MED13L: variants seen among roughly 807,000 people sequenced by gnomAD.
The protein encoded by MED13L is mediator complex subunit 13L, also known as mediator of RNA polymerase II transcription subunit 13-like.
A neutral mutation model predicts 220.9 loss-of-function variants in MED13L; 7 were observed. That is an observed-to-expected ratio of 0.03 (90% CI 0.02 to 0.06). The LOEUF is 0.06. MED13L is among the 10% of genes least tolerant of loss of function. The pLI is 1.00. For synonymous variants in MED13L, 1,011 were observed against 1,015.2 expected (o/e 1.00, Z 0.08); for missense variants, 1,965 against 2,760.5 (o/e 0.71, Z 6.46).
At chr12:116,244,903 G>C (rs1324773123) in intron 1 of MED13L, among the ~76,000 whole-genome samples, 1 of 152,136 alleles carries the variant, frequency 6.6e-6, no homozygotes, top group Admixed American at 6.5e-5. Flanking sequence ...AGTGAGCTGT[G>C]ATCACACCAC....
chr12:116,242,896 C>T (rs1349915148), intron 1 of MED13L, among the ~76,000 whole-genome samples: 1 of 152,130 alleles, frequency 6.6e-6, no homozygotes, highest in Non-Finnish European at 1.5e-5. Flanking sequence ...TAAAAATTAG[C>T]CCTAGAGGAT....
At chr12:116,253,877 G>C (rs557828645) in intron 1 of MED13L, among the ~76,000 whole-genome samples, 1 of 148,374 alleles carries the variant, frequency 6.7e-6, no homozygotes, top group African/African-American at 2.5e-5. Context: ...CTCGTGCCTC[G>C]GCCTCCTGAG....
Position 116,277,225 on chromosome 12 carries a change from G to T in MED13L, c.-94C>A. The T allele has an allele frequency of 1.5e-6, 1 of 678,642 alleles. No individual in the cohort carries two copies. 42.0% of individuals were successfully genotyped at this position (678,642 alleles called of 1,614,324 possible). On this transcript the variant is annotated 5_prime_UTR_variant, in exon 1 of 31. Coordinates refer to ENST00000281928, the MANE Select transcript of MED13L (RefSeq NM_015335.5). ...GGGCGGCGGCGCCTCGCCGGGGAGC[G>T]CGGGGCGGCCGGGCCGCCGCCGCCG...
intron 29 of MED13L, among the ~76,000 whole-genome samples, chr12:115,965,225 T>C (rs1049389671): frequency 1.3e-5 from 2 of 152,248 alleles, no homozygotes; most frequent in African/African-American, 4.8e-5. Flanking sequence ...AATGATTACA[T>C]AGAAATGGTC....
chr12:116,031,890 C>G (rs1488685917), intron 4 of MED13L, among the ~76,000 whole-genome samples: 1 of 151,308 alleles, frequency 6.6e-6, no homozygotes, highest in Non-Finnish European at 1.5e-5. Flanking sequence ...CCTATGTAGA[C>G]AATACATAGA....
intron 3 of MED13L, among the ~76,000 whole-genome samples, chr12:116,109,705 T>C (rs1873912365): frequency 6.6e-6 from 1 of 152,206 alleles, no homozygotes; most frequent in South Asian, 2.1e-4. Flanking sequence ...AGAGTTTCTG[T>C]GTACTTTGTT....
At chr12:116,160,840 T>C (rs1012252649) in intron 2 of MED13L, among the ~76,000 whole-genome samples, 1 of 151,740 alleles carries the variant, frequency 6.6e-6, no homozygotes, top group Admixed American at 6.6e-5. Context: ...TGTGCTGAGA[T>C]TATAGGCGTG....
intron 1 of MED13L, among the ~76,000 whole-genome samples, chr12:116,255,939 T>C (rs947281231): frequency 6.6e-6 from 1 of 152,200 alleles, no homozygotes; most frequent in African/African-American, 2.4e-5. Flanking sequence ...GCCAGTATAA[T>C]GCAAATATGC....
chr12:116,246,052 AT>A (rs1258520063), intron 1 of MED13L, among the ~76,000 whole-genome samples: 3 of 152,168 alleles, frequency 2.0e-5, no homozygotes, highest in Non-Finnish European at 2.9e-5. Flanking sequence ...CAAAATCAGG[AT>A]TTCTAACTGC....
At chr12:116,203,882 G>A (rs552702117) in intron 2 of MED13L, among the ~76,000 whole-genome samples, 9 of 152,234 alleles carry the variant, frequency 5.9e-5, no homozygotes, top group South Asian at 2.1e-4. Context: ...TCAGACTTAC[G>A]AATTGAATCA....
intron 27 of MED13L, among the ~76,000 whole-genome samples, chr12:115,969,356 C>A (rs1046431567): frequency 2.0e-5 from 3 of 152,190 alleles, no homozygotes; most frequent in Non-Finnish European, 4.4e-5. Context: ...TAAAAACCTA[C>A]ACTCTGCATA....
chr12:115,968,977 G>C lies in MED13L; in HGVS notation c.6188C>G (p.Ser2063Cys). Residue 2063 changes from serine (S) to cysteine (C), a missense_variant, in exon 28 of 31, where the codon TCT (serine) becomes TGT (cysteine). Transcript: ENST00000281928. ...SSPVPSPGSP[S>C]GIGVGSHFQH... is the part of the protein sequence containing the mutation. ...GAAGTGAGAGCCCACACCAATTCCA[G>C]AAGGAGAGCCTGGGGAGGGTACTGG... The C allele has an allele frequency of 6.2e-7, 1 of 1,614,108 alleles. No individual in the cohort carries two copies. The highest frequency in any genetic ancestry group is 8.5e-7 in the Non-Finnish European group (1 of 1,179,980).
chr12:116,246,825 G>A (rs1162160283), intron 1 of MED13L, among the ~76,000 whole-genome samples: 1 of 79,054 alleles, frequency 1.3e-5, no homozygotes, highest in South Asian at 6.2e-4. Flanking sequence ...GGAAGGGAGC[G>A]AGGTGTGGAG....
At chr12:116,039,147 A>C (rs1881375803) in intron 4 of MED13L, among the ~76,000 whole-genome samples, 1 of 152,238 alleles carries the variant, frequency 6.6e-6, no homozygotes, top group Non-Finnish European at 1.5e-5. Context: ...TATATTTTTA[A>C]AGGCACTGCT....
intron 11 of MED13L, chr12:116,006,744 T>C (rs956375540): frequency 5.3e-6 from 2 of 375,780 alleles, no homozygotes; most frequent in Non-Finnish European, 9.9e-6. Flanking sequence ...ATTATAGATT[T>C]GGCTTTCTGG....
At chr12:116,220,926 T>C (rs1169936978) in intron 2 of MED13L, among the ~76,000 whole-genome samples, 1 of 152,152 alleles carries the variant, frequency 6.6e-6, no homozygotes, top group African/African-American at 2.4e-5. Flanking sequence ...ACTACTGAAC[T>C]CAAACTTCAG....
intron 2 of MED13L, among the ~76,000 whole-genome samples, chr12:116,219,096 C>T (rs1014229139): frequency 2.6e-5 from 4 of 152,166 alleles, no homozygotes; most frequent in Non-Finnish European, 5.9e-5. Context: ...CAATTACATA[C>T]ACCATTCTAG....
rs113274284 is a variant in MED13L, at chr12:116,179,706, G to T, written c.310+57762C>A. 8.0e-3 allele frequency among the ~76,000 whole-genome samples: 1,201 copies of T among 150,672 alleles called. 23 individuals carry two copies. The highest frequency in any genetic ancestry group is 0.028 in the African/African-American group (1,133 of 41,028). ...GTGAATAACCTTTTTTTTTTTAAAG[G>T]TTACAAGAGAAAAGAATAGAAGAAA... On this transcript the variant is annotated intron_variant, in intron 2 of 30. Coordinates refer to ENST00000281928, the MANE Select transcript of MED13L (RefSeq NM_015335.5).
intron 17 of MED13L, 89 bp downstream of exon 17, chr12:115,990,931 A>T (rs1040461317): frequency 2.8e-6 from 4 of 1,421,340 alleles, no homozygotes; most frequent in African/African-American, 1.4e-5. Context: ...TGAAATTAAA[A>T]TTTTTTGTCA....
Sources: gnomAD v4.1 joint callset for allele counts (sites outside exome capture counted in the v4.1 genomes callset) on GRCh38, gnomAD v4.1.1 for gene constraint, MANE v1.5 for transcripts, NCBI Gene and HGNC (gene_info 2026-07-23, HGNC 2026-07-21) for gene names.